The following ELOVL5 variants were observed in gnomAD, a reference collection of about 807,000 sequenced individuals.
The protein encoded by ELOVL5 is ELOVL fatty acid elongase 5.
A neutral mutation model predicts 38.6 loss-of-function variants in ELOVL5; 8 were observed. The ratio of observed to expected loss-of-function variants is 0.21; its 90% CI spans 0.12 to 0.37. ELOVL5 has a LOEUF of 0.37. Among genes scored for constraint, ELOVL5 ranks in the 10% least tolerant of loss-of-function variants. ELOVL5 has a pLI of 1.00. For synonymous variants in ELOVL5, 127 were observed against 133.7 expected (o/e 0.95, Z 0.34); for missense variants, 280 against 367.8 (o/e 0.76, Z 1.95).
At chr6:53,285,476 C>T (rs773850396) in intron 3 of ELOVL5, among the ~76,000 whole-genome samples, 14 of 152,206 alleles carry the variant, frequency 9.2e-5, no homozygotes, top group Non-Finnish European at 1.9e-4. Flanking sequence ...CACAAAAGGG[C>T]AAGGTGTAGC....
At chr6:53,293,039 G>A (rs907892146) in intron 2 of ELOVL5, among the ~76,000 whole-genome samples, 1 of 152,070 alleles carries the variant, frequency 6.6e-6, no homozygotes, top group Admixed American at 6.6e-5. Flanking sequence ...CTTGGATGGC[G>A]GGAAACTCCT....
At chr6:53,303,554 T>C (rs941342930) in intron 1 of ELOVL5, among the ~76,000 whole-genome samples, 3 of 152,120 alleles carry the variant, frequency 2.0e-5, no homozygotes, top group Admixed American at 1.3e-4. Flanking sequence ...AAAACACAGC[T>C]CTATTTGGGG....
intron 1 of ELOVL5, among the ~76,000 whole-genome samples, chr6:53,303,389 T>C (rs1383841362): frequency 1.3e-5 from 2 of 152,234 alleles, no homozygotes; most frequent in African/African-American, 4.8e-5. Flanking sequence ...CATCTGATTG[T>C]GTACTGTCAT....
At chr6:53,300,101 T>C (rs9296708) in intron 1 of ELOVL5, among the ~76,000 whole-genome samples, 55,187 of 151,912 alleles carry the variant, frequency 0.36, 11,137 homozygotes, top group African/African-American at 0.55. Flanking sequence ...AAGCTTGATT[T>C]TGGGCTGGAC....
intron 3 of ELOVL5, among the ~76,000 whole-genome samples, chr6:53,281,116 T>A (rs1180269528): frequency 6.6e-6 from 1 of 152,214 alleles, no homozygotes; most frequent in East Asian, 1.9e-4. Context: ...CATCCCAAGA[T>A]GTCAGAGCAA....
intron 1 of ELOVL5, among the ~76,000 whole-genome samples, chr6:53,299,441 T>C (rs1380833157): frequency 1.3e-5 from 2 of 152,150 alleles, no homozygotes; most frequent in Non-Finnish European, 2.9e-5. Flanking sequence ...GTAACAGTAG[T>C]GGCCCCGGAA....
chr6:53,291,031 G>A (rs1766752996), intron 3 of ELOVL5, among the ~76,000 whole-genome samples: 1 of 152,148 alleles, frequency 6.6e-6, no homozygotes, highest in Non-Finnish European at 1.5e-5. Context: ...CTGGAAAAAT[G>A]TACACAAACT....
intron 3 of ELOVL5, among the ~76,000 whole-genome samples, chr6:53,286,351 C>T (rs1303502270): frequency 1.3e-5 from 2 of 152,198 alleles, no homozygotes; most frequent in East Asian, 1.9e-4. Flanking sequence ...CACTTTGAGT[C>T]CAGGAGTTTG....
At chr6:53,304,434 C>A (rs1283268073) in intron 1 of ELOVL5, among the ~76,000 whole-genome samples, 1 of 132,212 alleles carries the variant, frequency 7.6e-6, no homozygotes, top group Non-Finnish European at 1.6e-5. Flanking sequence ...ACACACACAC[C>A]TCTTTTATTT....
At chr6:53,285,690 C>A (rs914320867) in intron 3 of ELOVL5, among the ~76,000 whole-genome samples, 6 of 152,200 alleles carry the variant, frequency 3.9e-5, no homozygotes, top group African/African-American at 1.2e-4. Context: ...CTCACCGGAA[C>A]CTTGAGCTCC....
chr6:53,280,286 T>C (rs2127569832), intron 3 of ELOVL5, among the ~76,000 whole-genome samples: 1 of 152,252 alleles, frequency 6.6e-6, no homozygotes, highest in South Asian at 2.1e-4. Flanking sequence ...AACCACTACC[T>C]AACGAAATTT....
chr6:53,338,463 C>T (rs1769179030), intron 1 of ELOVL5, among the ~76,000 whole-genome samples: 1 of 152,164 alleles, frequency 6.6e-6, no homozygotes, highest in Admixed American at 6.5e-5. Context: ...AACATGAGGT[C>T]CTGGGATAAT....
At position 53,343,473 on chromosome 6, in the gene ELOVL5, A is replaced by G. The variant is rs143308352; in HGVS notation, c.-9+5344T>C. 2.2e-3 allele frequency among the ~76,000 whole-genome samples: 334 copies of G among 152,290 alleles called. 5 individuals carry two copies. The highest frequency in any genetic ancestry group is 7.8e-3 in the African/African-American group (323 of 41,574). ...AATGATCTGCCCACCATGGCTTCCC[A>G]AAGTGCTGGGATTACAGGTGTGAGC... On this transcript the variant is annotated intron_variant, in intron 1 of 7. Transcript: ENST00000304434.
chr6:53,275,065 C>G, intron 5 of ELOVL5, 25 bp downstream of exon 5: 1 of 1,610,746 alleles, frequency 6.2e-7, no homozygotes, highest in Non-Finnish European at 8.5e-7. Flanking sequence ...CACCTGTTCC[C>G]CAAGTCCCCG....
At chr6:53,346,470 C>G (rs1769546818) in intron 1 of ELOVL5, among the ~76,000 whole-genome samples, 1 of 151,940 alleles carries the variant, frequency 6.6e-6, no homozygotes, top group Admixed American at 6.6e-5. Flanking sequence ...GGAAAGCAAC[C>G]GTTTATGTAC....
rs996195597 is a variant in ELOVL5, at chr6:53,268,084, T to TCCC, written c.*1040_*1042dup. ...TACCTTAAAAAGTTCTAAGGTCCTTTCCCCCCCTTTGTTAATTTTGGTAAA... is the reference window on the plus strand; with the variant it reads ...TACCTTAAAAAGTTCTAAGGTCCTTTCCCCCCCCCCTTTGTTAATTTTGGTAAA... On this transcript the variant is annotated 3_prime_UTR_variant, in exon 8 of 8. Transcript: ENST00000304434. 1 of 152,010 alleles carries TCCC rather than the reference T, an allele frequency of 6.6e-6. No individual in the cohort carries two copies. Among genetic ancestry groups the TCCC allele is most frequent in the Non-Finnish European group, 1.5e-5 (1 of 68,010 alleles). 9.4% of individuals were successfully genotyped at this position (152,010 alleles called of 1,614,324 possible). A position where few individuals can be genotyped will look rare whatever the true frequency, so the allele number is the denominator to read the frequency against.
intron 1 of ELOVL5, among the ~76,000 whole-genome samples, chr6:53,310,640 T>C (rs772777282): frequency 6.6e-5 from 10 of 152,190 alleles, no homozygotes; most frequent in Non-Finnish European, 1.2e-4. Context: ...TCTCGCTCTG[T>C]TCCCAGGCTG....
chr6:53,322,642 C>G (rs1347609351), intron 1 of ELOVL5, among the ~76,000 whole-genome samples: 1 of 152,196 alleles, frequency 6.6e-6, no homozygotes, highest in East Asian at 1.9e-4. Context: ...TTAGAATCAA[C>G]CAACTCCTAC....
chr6:53,348,214 G>A (rs1561899656), intron 1 of ELOVL5, among the ~76,000 whole-genome samples: 1 of 152,340 alleles, frequency 6.6e-6, no homozygotes, highest in Non-Finnish European at 1.5e-5. Context: ...GAGCTAGCAG[G>A]CTTCCCTCCG....
Sources: allele counts gnomAD v4.1 joint callset (sites outside exome capture counted in the v4.1 genomes callset), GRCh38; gene constraint gnomAD v4.1.1; transcripts MANE v1.5; gene names NCBI Gene and HGNC (gene_info 2026-07-23, HGNC 2026-07-21).